The following CHRNB4 variants were observed in gnomAD, a reference collection of about 807,000 sequenced individuals.
CHRNB4 encodes cholinergic receptor nicotinic beta 4 subunit.
In CHRNB4, 23 loss-of-function variants were observed where a neutral mutation model predicts 40.4. The observed-to-expected ratio is 0.57, with a 90% CI of 0.41 to 0.81. The LOEUF (loss-of-function observed/expected upper bound fraction) is 0.81. CHRNB4 is among the 30% of genes least tolerant of loss of function. CHRNB4 has a pLI of 0.00. For missense variants in CHRNB4, 568 were observed against 670.6 expected (o/e 0.85, Z 1.69); for synonymous variants, 285 against 274.4 (o/e 1.04, Z -0.38).
At position 78,635,595 on chromosome 15, in the gene CHRNB4, AAC is replaced by A. The variant is rs750427193; in HGVS notation, c.56-10_56-9del. On this transcript the variant is annotated splice_polypyrimidine_tract_variant and intron_variant, in intron 1 of 5. Coordinates refer to ENST00000261751, the MANE Select transcript of CHRNB4 (RefSeq NM_000750.5). ...TGGCCACGCGGCAGTTCCCTGAGAA[AAC>A]ACACAGTCAGACCTGCTGGGCCCTT... is the stretch of plus-strand genomic sequence containing the variant. The A allele has an allele frequency of 3.7e-6, 6 of 1,613,864 alleles. No homozygotes were observed. Among genetic ancestry groups the A allele is most frequent in the East Asian group, 4.5e-5 (2 of 44,888 alleles).
At chr15:78,647,389 T>C (rs997945677) in intron 7 of CHRNB4, among the ~76,000 whole-genome samples, 1 of 151,450 alleles carries the variant, frequency 6.6e-6, no homozygotes, top group African/African-American at 2.4e-5. Context: ...AAAAGAAAAG[T>C]GGGCAAACAA....
chr15:78,641,668 G>A (rs1388701660), upstream of CHRNB4, among the ~76,000 whole-genome samples: 2 of 152,230 alleles, frequency 1.3e-5, no homozygotes, highest in African/African-American at 4.8e-5. Flanking sequence ...TGCAGACTTT[G>A]CAGGGAGGAC....
chr15:78,650,204 T>C (rs1383687924), intron 6 of CHRNB4, among the ~76,000 whole-genome samples: 4 of 152,198 alleles, frequency 2.6e-5, no homozygotes, highest in Non-Finnish European at 4.4e-5. Flanking sequence ...TCGTGTGCCC[T>C]TCTTACAGTT....
At position 78,649,307 on chromosome 15, in the gene CHRNB4, T is replaced by C. The variant is rs182314624; in HGVS notation, c.46+72A>G. 53 of 418,024 alleles carry C rather than the reference T, an allele frequency of 1.3e-4. No homozygotes were observed. In the East Asian group the frequency reaches 2.0e-3, roughly 16 times the overall value. 25.9% of individuals were successfully genotyped at this position (418,024 alleles called of 1,614,324 possible). A position where few individuals can be genotyped will look rare whatever the true frequency, so the allele number is the denominator to read the frequency against. ...ATGATAATGCTCATAGTCACCCTTG[T>C]GTAGTGAGAATTGGAAACCACTTAG... On this transcript the variant is annotated intron_variant and NMD_transcript_variant, in intron 7 of 11. Transcript: ENST00000559849.
chr15:78,653,968 A>G (rs1392973786), intron 5 of CHRNB4, among the ~76,000 whole-genome samples: 1 of 152,208 alleles, frequency 6.6e-6, no homozygotes, highest in African/African-American at 2.4e-5. Flanking sequence ...AATGGGCTCC[A>G]GGATGAAAGG....
intron 5 of CHRNB4, among the ~76,000 whole-genome samples, chr15:78,628,511 T>C (rs1161712196): frequency 1.3e-5 from 2 of 152,168 alleles, no homozygotes; most frequent in African/African-American, 4.8e-5. Context: ...GCTACCCTCA[T>C]CCTTTAGGGA....
chr15:78,644,942 T>C (rs887503609), upstream of CHRNB4, among the ~76,000 whole-genome samples: 1 of 152,220 alleles, frequency 6.6e-6, no homozygotes, highest in African/African-American at 2.4e-5. Context: ...GTATTCATCA[T>C]GCCTTTTCAT....
At chr15:78,653,037 G>A (rs991459357) in intron 5 of CHRNB4, among the ~76,000 whole-genome samples, 5 of 152,118 alleles carry the variant, frequency 3.3e-5, no homozygotes, top group East Asian at 1.9e-4. Flanking sequence ...TTGTCACCCC[G>A]CTCATAGGGT....
At chr15:78,648,507 G>C (rs1196095138) in intron 7 of CHRNB4, among the ~76,000 whole-genome samples, 1 of 151,778 alleles carries the variant, frequency 6.6e-6, no homozygotes, top group Non-Finnish European at 1.5e-5. Flanking sequence ...TGTAATCCCA[G>C]CACTTTGGGA....
In CHRNB4 at chr15:78,629,225, G is replaced by C. The variant is rs770227447; in HGVS notation, c.1080C>G (p.Phe360Leu). 1 of 1,613,646 alleles carries C rather than the reference G, an allele frequency of 6.2e-7. No individual in the cohort carries two copies. The change falls in exon 5 of 6, where the codon TTC becomes TTG. Residue 360 changes from phenylalanine (F) to leucine (L), a missense_variant. Transcript: ENST00000261751. This position sits in a 1 kb window ranked among gnomAD's most constrained non-coding sequence, Gnocchi z 6.8. ...TGGTCACGCATGACTTGCTGGGCGG[G>C]AAGGCTCTGGCCGGGCTGCTGTCGG... is the stretch of plus-strand genomic sequence containing the variant. ...PGPDSSPARA[F>L]PPSKSCVTKP...
At chr15:78,645,762 G>A (rs1596121468), upstream of CHRNB4, among the ~76,000 whole-genome samples, 1 of 152,066 alleles carries the variant, frequency 6.6e-6, no homozygotes, top group South Asian at 2.1e-4. Flanking sequence ...TATTTTTAAA[G>A]AATAAGAATG....
rs540589877 is a variant in CHRNB4 at position 78,633,322 on chromosome 15, TC to T, written c.205-1991del. ...AATAAAGTAGAAATTCATGTCCCTCTCATGTTAACACTTTAGACATATATGG... is the reference window on the plus strand; with the variant it reads ...AATAAAGTAGAAATTCATGTCCCTCTATGTTAACACTTTAGACATATATGG... On this transcript the variant is annotated intron_variant, in intron 2 of 5. Coordinates refer to ENST00000261751, the MANE Select transcript of CHRNB4 (RefSeq NM_000750.5). 3.4e-3 allele frequency among the ~76,000 whole-genome samples: 520 copies of T among 152,332 alleles called. 3 individuals carry two copies. The highest frequency in any genetic ancestry group is 0.012 in the African/African-American group (504 of 41,576).
chr15:78,624,890 C>T lies in CHRNB4; in HGVS notation c.*243G>A. ...CATTGCCCGGTGCAGGGAAGGAAGA[C>T]AGGCCAGAATTGAACTGTCTGAAGC... On this transcript the variant is annotated 3_prime_UTR_variant, in exon 6 of 6. Transcript: ENST00000261751. 7.3e-7 allele frequency: 1 copy of T among 1,371,334 alleles called. No homozygotes were observed. Among genetic ancestry groups the T allele is most frequent in the Non-Finnish European group, 9.6e-7 (1 of 1,037,980 alleles). The allele number at this position is 1,371,334 out of a possible 1,614,324, so 84.9% of individuals were successfully genotyped here. A position where few individuals can be genotyped will look rare whatever the true frequency, so the allele number is the denominator to read the frequency against.
intron 6 of CHRNB4, among the ~76,000 whole-genome samples, chr15:78,651,941 T>C (rs899983429): frequency 4.6e-5 from 7 of 152,324 alleles, no homozygotes; most frequent in African/African-American, 1.7e-4. Context: ...CCTCATCTCT[T>C]AGGACAGGTG....
chr15:78,655,103 T>C (rs2141411234), intron 5 of CHRNB4, among the ~76,000 whole-genome samples: 1 of 152,330 alleles, frequency 6.6e-6, no homozygotes, highest in Middle Eastern at 3.4e-3. Flanking sequence ...TCATGCCCCT[T>C]TGTCATCCAC....
At chr15:78,640,389 C>T (rs2054044067) in intron 1 of CHRNB4, among the ~76,000 whole-genome samples, 1 of 152,228 alleles carries the variant, frequency 6.6e-6, no homozygotes, top group African/African-American at 2.4e-5. Flanking sequence ...CCCAACTTCA[C>T]CAGCCTGGCC....
chr15:78,659,782 T>C (rs985490051), intron 1 of CHRNB4, among the ~76,000 whole-genome samples: 2 of 152,212 alleles, frequency 1.3e-5, no homozygotes, highest in African/African-American at 4.8e-5. Flanking sequence ...TAGTTTCTTC[T>C]GGAGAGTTTT....
intron 1 of CHRNB4, among the ~76,000 whole-genome samples, chr15:78,660,347 G>A (rs1162515582): frequency 1.3e-5 from 2 of 152,202 alleles, no homozygotes; most frequent in East Asian, 1.9e-4. Flanking sequence ...TTCAATAAAA[G>A]TTGCTAACAG....
At chr15:78,660,937 C>T (rs78729506), upstream of CHRNB4, 6,692 of 391,334 alleles carry the variant, frequency 0.017, 138 homozygotes, top group Admixed American at 0.076. Flanking sequence ...TTGATTGAAA[C>T]GCAGTTTCTG....
Sources: gnomAD v4.1 joint callset for allele counts (sites outside exome capture counted in the v4.1 genomes callset) on GRCh38, gnomAD v4.1.1 for gene constraint, Gnocchi (gnomAD v3.1) non-coding constraint, MANE v1.5 for transcripts, NCBI Gene and HGNC (gene_info 2026-07-23, HGNC 2026-07-21) for gene names.